Variants in AATF observed in about 807,000 individuals in gnomAD.
AATF encodes protein AATF.
In AATF, 48 loss-of-function variants were observed where a neutral mutation model predicts 63.7. That is an observed-to-expected ratio of 0.75 (90% CI 0.60 to 0.96). AATF has a LOEUF of 0.96. AATF is among the 40% of genes least tolerant of loss of function. The pLI, the probability that AATF is intolerant of heterozygous loss-of-function variation, is 0.00. For synonymous variants in AATF, 258 were observed against 247.7 expected, an observed-to-expected ratio of 1.04 and a Z score of -0.39; for missense variants, 639 against 685.7, an observed-to-expected ratio of 0.93 and a Z score of 0.76.
At chr17:37,002,416 C>T (rs1370181880) in intron 8 of AATF, among the ~76,000 whole-genome samples, 1 of 151,746 alleles carries the variant, frequency 6.6e-6, no homozygotes, top group African/African-American at 2.4e-5. Context: ...ACCTGTAATC[C>T]CAGCACTTTG....
At chr17:37,023,100 A>G (rs2071485260) in intron 10 of AATF, among the ~76,000 whole-genome samples, 4 of 152,234 alleles carry the variant, frequency 2.6e-5, no homozygotes, top group African/African-American at 9.6e-5. Context: ...GGAAGAGCTT[A>G]GGATTTCAAA....
intron 4 of AATF, among the ~76,000 whole-genome samples, chr17:36,966,060 T>C (rs1369545881): frequency 1.3e-5 from 2 of 152,124 alleles, no homozygotes; most frequent in African/African-American, 4.8e-5. Context: ...TTCTAATATT[T>C]CTTTAATAAT....
In AATF at chr17:36,953,265, G is replaced by A. The variant is rs972187552; in HGVS notation, c.663G>A (p.Val221=). ...CTAGTGTCAAAGTTTCTGAGGAAGT[G>A]GAGAAAGGAAGAGCCGTGAAGAACC... is the stretch of plus-strand genomic sequence containing the variant. ...TFSSVKVSEE[V]EKGRAVKNQI... The change falls in exon 3 of 12, where the codon GTG becomes GTA. Residue 221 remains valine (V), a synonymous_variant. Coordinates refer to ENST00000619387, the MANE Select transcript of AATF (RefSeq NM_012138.4). The A allele has an allele frequency of 6.2e-7, 1 of 1,614,016 alleles. No individual in the cohort carries two copies. Among genetic ancestry groups the A allele is most frequent in the Non-Finnish European group, 8.5e-7 (1 of 1,179,858 alleles).
At chr17:37,054,416 A>C (rs1363674156) in intron 11 of AATF, 2 of 152,238 alleles carry the variant, frequency 1.3e-5, no homozygotes, top group African/African-American at 2.4e-5. Context: ...AGGAAGATGT[A>C]AAAGTTGAAA....
chr17:37,002,201 CA>C (rs34123922), intron 8 of AATF, among the ~76,000 whole-genome samples: 12,115 of 76,474 alleles, frequency 0.16, 1,323 homozygotes, highest in African/African-American at 0.44. Flanking sequence ...GACTCCGTCT[CA>C]AAAAAAAAAA....
In AATF at chr17:37,046,476, C is replaced by T. The variant is rs373298505; in HGVS notation, c.1620-10125C>T. Reference sequence around the variant, plus strand: ...GCCAGCAGCTGGAAGGGCTTGCTCCCCAGGCCCCAGCGGTTCCTCTGTGTC... The same window carrying T: ...GCCAGCAGCTGGAAGGGCTTGCTCCTCAGGCCCCAGCGGTTCCTCTGTGTC... On this transcript the variant is annotated intron_variant, in intron 11 of 11. Coordinates refer to ENST00000619387, the MANE Select transcript of AATF (RefSeq NM_012138.4). Among the ~76,000 whole-genome samples the T allele has an allele frequency of 5.9e-5, 9 of 152,204 alleles. No homozygotes were observed. The South Asian group carries it at 1.9e-3, about 32-fold the overall frequency.
chr17:36,950,295 A>G lies in AATF; in HGVS notation c.173A>G (p.Lys58Arg). ...TTCCTAGTAGTGGGTAGCATTAGAAAACTGGCATCAGCCTCCCTCTTGGAC... is the reference window on the plus strand; with the variant it reads ...TTCCTAGTAGTGGGTAGCATTAGAAGACTGGCATCAGCCTCCCTCTTGGAC... ...GDFLVVGSIR[K>R]LASASLLDTD... The change falls in exon 2 of 12, where the codon AAA (lysine) becomes AGA (arginine). Residue 58 changes from lysine (K) to arginine (R), a missense_variant. By Grantham distance (26) the Lys-to-Arg change is conservative (BLOSUM62 2). Transcript: ENST00000619387. The G allele has an allele frequency of 6.2e-7, 1 of 1,614,160 alleles. No homozygotes were observed. The highest frequency in any genetic ancestry group is 8.5e-7 in the Non-Finnish European group (1 of 1,180,030).
intron 10 of AATF, among the ~76,000 whole-genome samples, chr17:37,030,828 A>G (rs2071546278): frequency 6.6e-6 from 1 of 152,100 alleles, no homozygotes; most frequent in Non-Finnish European, 1.5e-5. Flanking sequence ...CAGATACTGT[A>G]CCACTACCTG....
rs748594397 is a variant in AATF, at chr17:36,990,625, A to C, written c.1315-149A>C. 3 of 530,918 alleles carry C rather than the reference A, an allele frequency of 5.7e-6. No individual in the cohort carries two copies. In the Admixed American group the frequency reaches 1.2e-4, roughly 22 times the overall value. The allele number at this position is 530,918 out of a possible 1,614,324, so 32.9% of individuals were successfully genotyped here. A position where few individuals can be genotyped will look rare whatever the true frequency, so the allele number is the denominator to read the frequency against. On this transcript the variant is annotated intron_variant, in intron 7 of 11. Coordinates refer to ENST00000619387, the MANE Select transcript of AATF (RefSeq NM_012138.4). The stretch of plus-strand genomic sequence containing the variant: ...CCTGTTAATGTTTTTGCCTGTTTTC[A>C]TATTGGACTGTTTTGTTTTTTAATT...
chr17:37,051,675 AAGAC>A (rs1215756811), intron 11 of AATF, among the ~76,000 whole-genome samples: 3,401 of 149,760 alleles, frequency 0.023, 34 homozygotes, highest in Non-Finnish European at 0.026. Context: ...GCCGAATCCT[AAGAC>A]AGACAGACAG....
chr17:36,949,194 C>T lies in AATF; in HGVS notation c.69C>T (p.Asp23=). 1 of 1,593,370 alleles carries T rather than the reference C, an allele frequency of 6.3e-7. No homozygotes were observed. Among genetic ancestry groups the T allele is most frequent in the Admixed American group, 1.8e-5 (1 of 56,194 alleles). Residue 23 remains aspartate (D), a synonymous_variant, in exon 1 of 12, where the codon GAC becomes GAT. Coordinates refer to ENST00000619387, the MANE Select transcript of AATF (RefSeq NM_012138.4). ...QLLNPRPSEA[D]PEADPEEATA... ...TGAACCCGCGACCAAGCGAGGCGGA[C>T]CCTGAAGCGGACCCCGAGGAAGGTG...
At chr17:37,017,386 A>G (rs2071436569) in intron 8 of AATF, among the ~76,000 whole-genome samples, 1 of 151,952 alleles carries the variant, frequency 6.6e-6, no homozygotes, top group Non-Finnish European at 1.5e-5. Context: ...TTGACAGAAT[A>G]TTGACTAGGA....
At position 37,056,804 on chromosome 17, in the gene AATF, C is replaced by T; in HGVS notation, c.*140C>T. The T allele has an allele frequency of 1.1e-6, 1 of 872,776 alleles. No homozygotes were observed. The highest frequency in any genetic ancestry group is 1.7e-6 in the Non-Finnish European group (1 of 571,498). The allele number at this position is 872,776 out of a possible 1,614,324, so 54.1% of individuals were successfully genotyped here. On this transcript the variant is annotated 3_prime_UTR_variant, in exon 12 of 12. Transcript: ENST00000619387. ...CTGCGTTCCGAACCTGTGCCTAATA[C>T]ACGCAAGGGCGCTGTCCCGCCCAAC...
intron 8 of AATF, among the ~76,000 whole-genome samples, chr17:37,009,875 A>T (rs1036763502): frequency 6.6e-6 from 1 of 150,650 alleles, no homozygotes; most frequent in East Asian, 2.0e-4. Context: ...TGAATAGACC[A>T]GTCTATGTGT....
chr17:37,029,878 C>G (rs568913574), intron 10 of AATF, among the ~76,000 whole-genome samples: 49 of 151,502 alleles, frequency 3.2e-4, no homozygotes, highest in African/African-American at 1.2e-3. Flanking sequence ...GTTGTTTTTA[C>G]TTTTTGTAGA....
rs117028362 is a variant in AATF, at chr17:36,985,288, G to A, written c.833-1329G>A. Among the ~76,000 whole-genome samples the A allele has an allele frequency of 4.9e-3, 739 of 151,790 alleles. 4 individuals carry two copies. The highest frequency in any genetic ancestry group is 7.3e-3 in the Non-Finnish European group (493 of 67,888). On this transcript the variant is annotated intron_variant, in intron 4 of 11. Transcript: ENST00000619387. ...TGTGTGTGGTTTTTTTTGGAGACAG[G>A]GTCTCACCTTCACTCTATTGCTCAG...
chr17:37,010,177 G>A (rs1211706144), intron 8 of AATF, among the ~76,000 whole-genome samples: 11 of 152,282 alleles, frequency 7.2e-5, no homozygotes, highest in African/African-American at 1.7e-4. Context: ...TTTTCTGGCC[G>A]GGCGCGGTGG....
intron 11 of AATF, chr17:37,054,468 T>TTCTC (rs1389281667): frequency 6.6e-6 from 1 of 152,132 alleles, no homozygotes; most frequent in African/African-American, 2.4e-5. Flanking sequence ...CCTATTGATA[T>TTCTC]TCTCTCTCTC....
At chr17:37,020,859 A>C (rs2071463762) in intron 9 of AATF, 75 bp from the exon 10 acceptor site, 1 of 1,237,654 alleles carries the variant, frequency 8.1e-7, no homozygotes, top group African/African-American at 1.5e-5. Context: ...GGGTTGTTAG[A>C]ATAATTCCAA....
Sources: allele counts gnomAD v4.1 joint callset (sites outside exome capture counted in the v4.1 genomes callset), GRCh38; gene constraint gnomAD v4.1.1; transcripts MANE v1.5; gene names NCBI Gene and HGNC (gene_info 2026-07-23, HGNC 2026-07-21).